The following BCAR1 variants were observed in gnomAD, a reference collection of about 807,000 sequenced individuals.
The protein encoded by BCAR1 is BCAR1 scaffold protein, Cas family member, also known as breast cancer anti-estrogen resistance protein 1.
Under a neutral mutation model 67.6 loss-of-function variants are expected in BCAR1, and 30 were observed. The observed-to-expected ratio is 0.44, with a 90% CI of 0.33 to 0.60. The LOEUF (loss-of-function observed/expected upper bound fraction) is 0.60, where lower values mean the gene tolerates loss of function less well. BCAR1 is among the 20% of genes least tolerant of loss of function. The pLI is 0.02. For missense variants in BCAR1, 1,313 were observed against 1,222.3 expected (o/e 1.07, Z -1.11); for synonymous variants, 626 against 556.7 (o/e 1.12, Z -1.75).
rs568469955 is a variant in BCAR1, at chr16:75,265,622, A to T, written c.66+2293T>A. 5.3e-5 allele frequency among the ~76,000 whole-genome samples: 8 copies of T among 151,868 alleles called. No individual in the cohort carries two copies. In the South Asian group the frequency reaches 1.7e-3, roughly 32 times the overall value. On this transcript the variant is annotated intron_variant, in intron 1 of 6. Coordinates refer to the BCAR1 transcript ENST00000393422. ...CCCCAGCCCGATCCAGCTCTCCTGA[A>T]AGAGGATGGAAAGGCGGGGGCAGAG...
chr16:75,267,778 G>A, intron 1 of BCAR1: 1 of 895,760 alleles, frequency 1.1e-6, no homozygotes, highest in East Asian at 2.7e-5. Context: ...AGAGCCCAAG[G>A]GAGGGGCGCA....
chr16:75,252,684 C>T (rs2077704719), upstream of BCAR1, among the ~76,000 whole-genome samples: 1 of 152,182 alleles, frequency 6.6e-6, no homozygotes, highest in African/African-American at 2.4e-5. Flanking sequence ...AGGGAAGCAG[C>T]GGGGTAGACC....
At chr16:75,259,262 C>T (rs532444138) in intron 1 of BCAR1, among the ~76,000 whole-genome samples, 29 of 152,340 alleles carry the variant, frequency 1.9e-4, no homozygotes, top group African/African-American at 6.7e-4. Context: ...TCAAGGCATA[C>T]AATTGGATAT....
chr16:75,246,054 C>A (rs993780230), intron 1 of BCAR1: 19 of 136,794 alleles, frequency 1.4e-4, no homozygotes, highest in African/African-American at 4.3e-4. Flanking sequence ...CAACAACCTC[C>A]CAGGCTCAAG....
At chr16:75,241,394 G>C (rs969150396) in intron 2 of BCAR1, among the ~76,000 whole-genome samples, 3 of 152,160 alleles carry the variant, frequency 2.0e-5, no homozygotes, top group Non-Finnish European at 4.4e-5. Context: ...TCTGTGTGGG[G>C]TGTGGGTATA....
At chr16:75,240,374 C>T (rs1296411309) in intron 2 of BCAR1, among the ~76,000 whole-genome samples, 2 of 152,124 alleles carry the variant, frequency 1.3e-5, no homozygotes, top group Non-Finnish European at 2.9e-5. Context: ...GCCGTGCCAC[C>T]GTAATGAAGG....
chr16:75,260,019 C>T (rs2077867706), intron 1 of BCAR1, among the ~76,000 whole-genome samples: 1 of 151,982 alleles, frequency 6.6e-6, no homozygotes, highest in Non-Finnish European at 1.5e-5. Flanking sequence ...CATGGTGAAA[C>T]CCTGTCTCTA....
intron 1 of BCAR1, chr16:75,249,406 T>G (rs577772474): frequency 6.6e-6 from 1 of 152,188 alleles, no homozygotes. Flanking sequence ...GCCTCTCCTG[T>G]GCTCGGAGGG....
intron 2 of BCAR1, among the ~76,000 whole-genome samples, chr16:75,242,265 C>A (rs2077367705): frequency 6.6e-6 from 1 of 152,222 alleles, no homozygotes; most frequent in Non-Finnish European, 1.5e-5. Context: ...GCCAGCGGAG[C>A]ATCTCCCCTC....
At chr16:75,251,848 A>T (rs369375189), upstream of BCAR1, 7 of 232,716 alleles carry the variant, frequency 3.0e-5, no homozygotes, top group African/African-American at 2.0e-4. Context: ...CTTCCAGCCT[A>T]GGGCGCAGGA....
rs1481236218 is a variant in BCAR1, at chr16:75,228,460, A to C, written c.*1051T>G. ...TGGGCTGCGGGCTGCTGGGTGGGGG[A>C]GCCACGAAGGGGGACACACTTGCCC... On this transcript the variant is annotated 3_prime_UTR_variant, in exon 7 of 7. Transcript: ENST00000162330. 6.6e-6 allele frequency: 1 copy of C among 152,228 alleles called. No homozygotes were observed. The highest frequency in any genetic ancestry group is 1.5e-5 in the Non-Finnish European group (1 of 68,120). 9.4% of individuals were successfully genotyped at this position (152,228 alleles called of 1,614,324 possible).
chr16:75,250,936 G>A, intron 1 of BCAR1: 1 of 985,092 alleles, frequency 1.0e-6, no homozygotes, highest in Non-Finnish European at 1.2e-6. Flanking sequence ...CCGGCGGCCG[G>A]AGTGAATCAT....
In BCAR1 at chr16:75,259,438, G is replaced by A. The variant is rs137945901; in HGVS notation, c.66+8477C>T. Among the ~76,000 whole-genome samples, 12 of 151,978 alleles carry A rather than the reference G, an allele frequency of 7.9e-5. No individual in the cohort carries two copies. In the East Asian group the frequency reaches 2.3e-3, roughly 30 times the overall value. On this transcript the variant is annotated intron_variant, in intron 1 of 6. Coordinates refer to the BCAR1 transcript ENST00000393422. Reference sequence around the variant, plus strand: ...GTTTAAGTCTAGGAGGCCAGGTTGGGTAACACAGCAAGACTCAGACTCAGA... The same window carrying A: ...GTTTAAGTCTAGGAGGCCAGGTTGGATAACACAGCAAGACTCAGACTCAGA...
At chr16:75,251,941 G>A, upstream of BCAR1, 1 of 555,248 alleles carries the variant, frequency 1.8e-6, no homozygotes, top group South Asian at 2.1e-5. Context: ...CTCCACTTCT[G>A]GGAAGGCTGC....
intron 1 of BCAR1, among the ~76,000 whole-genome samples, chr16:75,258,455 CTG>C (rs1218694620): frequency 6.6e-6 from 1 of 152,220 alleles, no homozygotes; most frequent in East Asian, 1.9e-4. Flanking sequence ...CGCCTCCTGA[CTG>C]AGGTCTAACT....
Position 75,230,358 on chromosome 16 carries a change from C to T in BCAR1, c.2101-335G>A, listed in dbSNP as rs534245618. On this transcript the variant is annotated intron_variant, in intron 6 of 6. Coordinates refer to ENST00000162330, the MANE Select transcript of BCAR1 (RefSeq NM_014567.5). ...GGGTACTGTCCCACGTGACTTGAGA[C>T]GTGGCACTGGGGAAAATGGCTGAAG... is the stretch of plus-strand genomic sequence containing the variant. Among the ~76,000 whole-genome samples the T allele has an allele frequency of 5.9e-5, 9 of 152,224 alleles. No homozygotes were observed. The South Asian group carries it at 1.0e-3, about 18-fold the overall frequency.
chr16:75,252,485 C>T (rs938717069), upstream of BCAR1: 14 of 1,318,682 alleles, frequency 1.1e-5, no homozygotes, highest in Middle Eastern at 2.1e-4. Context: ...GCCCCTTGCT[C>T]GGTTGCAGGT....
intron 1 of BCAR1, among the ~76,000 whole-genome samples, chr16:75,245,536 A>G (rs2077487442): frequency 6.6e-6 from 1 of 152,210 alleles, no homozygotes; most frequent in South Asian, 2.1e-4. Context: ...AGGGAGGGAA[A>G]GCCCGGCCCA....
chr16:75,229,298 T>C lies in BCAR1; in HGVS notation c.*213A>G, dbSNP rs2076810230. 3.1e-5 allele frequency: 24 copies of C among 778,188 alleles called. No homozygotes were observed. The highest frequency in any genetic ancestry group is 4.6e-5 in the Non-Finnish European group (24 of 527,246). The allele number at this position is 778,188 out of a possible 1,614,324, so 48.2% of individuals were successfully genotyped here. On this transcript the variant is annotated 3_prime_UTR_variant, in exon 7 of 7. Coordinates refer to ENST00000162330, the MANE Select transcript of BCAR1 (RefSeq NM_014567.5). ...CGTGGTGCATGCTGGGGAAGGCCAC[T>C]GGCCGGCCCCTGGGCTTCGGCTCCT...
Sources: gnomAD v4.1 joint callset for allele counts (sites outside exome capture counted in the v4.1 genomes callset) on GRCh38, gnomAD v4.1.1 for gene constraint, MANE v1.5 for transcripts, NCBI Gene and HGNC (gene_info 2026-07-23, HGNC 2026-07-21) for gene names.